NR3C2: variants seen among roughly 807,000 people sequenced by gnomAD.
NR3C2 encodes nuclear receptor subfamily 3 group C member 2.
NR3C2 carries 15 observed loss-of-function variants against 86.4 expected under a neutral mutation model. The observed-to-expected ratio is 0.17, with a 90% CI of 0.12 to 0.27. The LOEUF (loss-of-function observed/expected upper bound fraction) is 0.27. NR3C2 is among the 10% of genes least tolerant of loss of function. NR3C2 has a pLI of 1.00. For synonymous variants in NR3C2, 458 were observed against 450.5 expected, an observed-to-expected ratio of 1.02 and a Z score of -0.21; for missense variants, 960 against 1,195.6, an observed-to-expected ratio of 0.80 and a Z score of 2.91.
intron 2 of NR3C2, among the ~76,000 whole-genome samples, chr4:148,427,593 C>T (rs998223383): frequency 1.3e-5 from 2 of 151,502 alleles, no homozygotes; most frequent in East Asian, 2.0e-4. Flanking sequence ...GAGGACAGCC[C>T]AGCACGGGAG....
intron 3 of NR3C2, among the ~76,000 whole-genome samples, chr4:148,254,665 C>T (rs935052018): frequency 6.6e-6 from 1 of 152,124 alleles, no homozygotes; most frequent in African/African-American, 2.4e-5. Flanking sequence ...TAGGCTCTTA[C>T]AGTAAATAAT....
At chr4:148,351,324 G>T (rs1420734719) in intron 2 of NR3C2, among the ~76,000 whole-genome samples, 1 of 152,044 alleles carries the variant, frequency 6.6e-6, no homozygotes, top group Non-Finnish European at 1.5e-5. Context: ...TTGTATTTTA[G>T]TAGAGACAGG....
chr4:148,444,558 G>A, upstream of NR3C2: 1 of 988,054 alleles, frequency 1.0e-6, no homozygotes, highest in South Asian at 4.6e-5. Flanking sequence ...GGCTGGGGCG[G>A]GGGAAGGGGA....
chr4:148,214,106 G>C (rs1737411363), intron 3 of NR3C2, among the ~76,000 whole-genome samples: 1 of 152,182 alleles, frequency 6.6e-6, no homozygotes, highest in Admixed American at 6.5e-5. Context: ...CTATGACTTG[G>C]TGCAAGTTAC....
At position 148,096,589 on chromosome 4, in the gene NR3C2, G is replaced by A. The variant is rs1244657967; in HGVS notation, c.2800-15090C>T. On this transcript the variant is annotated intron_variant, in intron 8 of 8. Transcript: ENST00000358102. Reference sequence around the variant, plus strand: ...TGTTCTCTTCTCTTGATTCTATGATGCCACAAAAAGCAAACGGTCTGGCAA... The same window carrying A: ...TGTTCTCTTCTCTTGATTCTATGATACCACAAAAAGCAAACGGTCTGGCAA... 2.0e-5 allele frequency among the ~76,000 whole-genome samples: 3 copies of A among 152,218 alleles called. No individual in the cohort carries two copies. The East Asian group carries it at 5.8e-4, about 29-fold the overall frequency.
chr4:148,205,027 G>A (rs1353664869), intron 3 of NR3C2, among the ~76,000 whole-genome samples: 1 of 152,052 alleles, frequency 6.6e-6, no homozygotes, highest in African/African-American at 2.4e-5. Flanking sequence ...TAGAGAGAAG[G>A]GACTGTTGTT....
intron 8 of NR3C2, among the ~76,000 whole-genome samples, chr4:148,108,073 T>G (rs2149722884): frequency 6.6e-6 from 1 of 152,256 alleles, no homozygotes; most frequent in Admixed American, 6.5e-5. Flanking sequence ...AGTATGTCAT[T>G]TGTGGTTATT....
intron 2 of NR3C2, among the ~76,000 whole-genome samples, chr4:148,286,061 T>C (rs901468650): frequency 6.6e-6 from 1 of 152,250 alleles, no homozygotes; most frequent in Non-Finnish European, 1.5e-5. Flanking sequence ...TAGAACAGTC[T>C]GGAAGCAATG....
chr4:148,243,701 T>C (rs150050898), intron 3 of NR3C2, among the ~76,000 whole-genome samples: 1 of 152,336 alleles, frequency 6.6e-6, no homozygotes, highest in African/African-American at 2.4e-5. Flanking sequence ...AGTAGTTCCC[T>C]GCTACCCTGC....
At chr4:148,192,392 T>G (rs756453169) in intron 4 of NR3C2, among the ~76,000 whole-genome samples, 79 of 152,210 alleles carry the variant, frequency 5.2e-4, no homozygotes, top group Non-Finnish European at 1.0e-3. Flanking sequence ...TGGTGAAGGG[T>G]GCAATGGACT....
intron 3 of NR3C2, among the ~76,000 whole-genome samples, chr4:148,219,235 G>A (rs746158151): frequency 3.9e-5 from 6 of 152,116 alleles, no homozygotes; most frequent in Non-Finnish European, 8.8e-5. Flanking sequence ...ATCTTTTCAT[G>A]TGATTATTAG....
intron 8 of NR3C2, among the ~76,000 whole-genome samples, chr4:148,085,766 G>T (rs1468697624): frequency 6.6e-6 from 1 of 151,822 alleles, no homozygotes; most frequent in Non-Finnish European, 1.5e-5. Flanking sequence ...AAAGAGAGAA[G>T]AATCAAACAC....
intron 3 of NR3C2, among the ~76,000 whole-genome samples, chr4:148,234,401 G>C (rs1254028422): frequency 6.6e-6 from 1 of 152,150 alleles, no homozygotes; most frequent in Non-Finnish European, 1.5e-5. Context: ...GCTGGGGGCA[G>C]TGGCTCAAGC....
intron 6 of NR3C2, chr4:148,146,434 C>G (rs1560945563): frequency 6.6e-6 from 1 of 152,652 alleles, no homozygotes; most frequent in Non-Finnish European, 1.5e-5. Context: ...ACGTTCGGTA[C>G]AGAGGGACCT....
intron 8 of NR3C2, among the ~76,000 whole-genome samples, chr4:148,083,354 G>A (rs542055512): frequency 1.3e-5 from 2 of 152,260 alleles, no homozygotes; most frequent in Non-Finnish European, 2.9e-5. Context: ...TCCAGGCAGC[G>A]ATCTTTGCTG....
chr4:148,162,299 T>A (rs1734696329), intron 4 of NR3C2, among the ~76,000 whole-genome samples: 1 of 152,212 alleles, frequency 6.6e-6, no homozygotes, highest in Non-Finnish European at 1.5e-5. Flanking sequence ...CTTCTGAGGT[T>A]CTTCTGGGGC....
At chr4:148,313,900 G>T (rs566543107) in intron 2 of NR3C2, among the ~76,000 whole-genome samples, 1 of 152,282 alleles carries the variant, frequency 6.6e-6, no homozygotes, top group East Asian at 1.9e-4. Context: ...AAACTTGTGA[G>T]TTTTATTATA....
rs183476894 is a variant in NR3C2 at position 148,142,996 on chromosome 4, A to T, written c.2510+9473T>A. ...GGGAAGCTTCCTGAGGCCTCCCCAG[A>T]TGCAGATGCCGGTGCTATGCCTCCT... On this transcript the variant is annotated intron_variant, in intron 6 of 8. Transcript: ENST00000358102. Among the ~76,000 whole-genome samples, 1,091 of 152,308 alleles carry T rather than the reference A, an allele frequency of 7.2e-3. 3 individuals are homozygous for T. Among genetic ancestry groups the T allele is most frequent in the Non-Finnish European group, 0.012 (812 of 68,024 alleles).
chr4:148,199,502 A>G (rs10519945), intron 3 of NR3C2, among the ~76,000 whole-genome samples: 7,549 of 152,150 alleles, frequency 0.05, 349 homozygotes, highest in African/African-American at 0.12. Flanking sequence ...AGATTCTTAA[A>G]AGTAAGTAGG....
Sources: allele counts gnomAD v4.1 joint callset (sites outside exome capture counted in the v4.1 genomes callset), GRCh38; gene constraint gnomAD v4.1.1; transcripts MANE v1.5; gene names NCBI Gene and HGNC (gene_info 2026-07-23, HGNC 2026-07-21).